Variants in NOS1 observed in about 807,000 individuals in gnomAD.
NOS1 encodes the protein nitric oxide synthase 1, also known as NOS type I.
A neutral mutation model predicts 164.5 loss-of-function variants in NOS1; 51 were observed. The observed-to-expected ratio is 0.31, with a 90% CI of 0.25 to 0.39. NOS1 has a LOEUF of 0.39. Among genes scored for constraint, NOS1 ranks in the 10% least tolerant of loss-of-function variants. The pLI is 1.00. For synonymous variants in NOS1, 719 were observed against 745.8 expected (o/e 0.96, Z 0.59); for missense variants, 1,362 against 1,885.6 (o/e 0.72, Z 5.14).
At chr12:117,229,489 C>G (rs1868998329) in intron 22 of NOS1, among the ~76,000 whole-genome samples, 1 of 150,942 alleles carries the variant, frequency 6.6e-6, no homozygotes, top group Non-Finnish European at 1.5e-5. Flanking sequence ...AAAATCCTTT[C>G]TCATTTAATC....
At chr12:117,311,690 G>C in intron 2 of NOS1, 98 bp from the exon 3 acceptor site, 2 of 1,331,888 alleles carry the variant, frequency 1.5e-6, no homozygotes, top group South Asian at 1.7e-5. Context: ...AACCTCAGTA[G>C]CTCACTCACA....
At chr12:117,323,217 C>T (rs1875074820) in intron 2 of NOS1, among the ~76,000 whole-genome samples, 1 of 152,200 alleles carries the variant, frequency 6.6e-6, no homozygotes, top group Non-Finnish European at 1.5e-5. Context: ...GGGAGTCCCT[C>T]CTGTTGCTTG....
chr12:117,268,478 C>A (rs1872579237), intron 10 of NOS1, among the ~76,000 whole-genome samples: 1 of 152,270 alleles, frequency 6.6e-6, no homozygotes, highest in East Asian at 1.9e-4. Context: ...GTGATCCACC[C>A]ACCTTGGCCT....
intron 3 of NOS1, among the ~76,000 whole-genome samples, chr12:117,296,326 T>G (rs966325119): frequency 6.6e-6 from 1 of 152,172 alleles, no homozygotes; most frequent in Non-Finnish European, 1.5e-5. Context: ...TGTCCCTGAG[T>G]GTGTCCGTGA....
At position 117,212,172 on chromosome 12, in the gene NOS1, G is replaced by A. The variant is rs1188094931; in HGVS notation, c.*3137C>T. The A allele has an allele frequency of 1.8e-5, 18 of 985,244 alleles. No individual in the cohort carries two copies. Among genetic ancestry groups the A allele is most frequent in the African/African-American group, 3.5e-5 (2 of 57,222 alleles). The allele number at this position is 985,244 out of a possible 1,614,324, so 61.0% of individuals were successfully genotyped here. Reference sequence around the variant, plus strand: ...ACTGGAGAAGCAAGACATGTTATAAGTTAAGTGAAAAATTAAAATGCAGTA... The same window carrying A: ...ACTGGAGAAGCAAGACATGTTATAAATTAAGTGAAAAATTAAAATGCAGTA... On this transcript the variant is annotated 3_prime_UTR_variant, in exon 29 of 29. Transcript: ENST00000317775.
At chr12:117,350,308 C>A (rs1036555300) in intron 1 of NOS1, among the ~76,000 whole-genome samples, 1 of 152,168 alleles carries the variant, frequency 6.6e-6, no homozygotes. Context: ...TGCTCACGGA[C>A]AATGCAGAGT....
chr12:117,286,706 C>T lies in NOS1; in HGVS notation c.1128-440G>A, dbSNP rs182354654. On this transcript the variant is annotated intron_variant, in intron 5 of 28. Transcript: ENST00000317775. ...AATTTTTGGTTTACAAAATGGTATA[C>T]AGGATAATATAATAAACTCCCATGT... Among the ~76,000 whole-genome samples, 19 of 152,228 alleles carry T rather than the reference C, an allele frequency of 1.2e-4. No homozygotes were observed. The East Asian group carries it at 3.5e-3, about 28-fold the overall frequency.
intron 1 of NOS1, 135 bp downstream of exon 1, chr12:117,361,377 T>G: frequency 3.5e-5 from 1 of 28,362 alleles, no homozygotes; most frequent in Non-Finnish European, 7.3e-5. Flanking sequence ...CCCTCTCCCC[T>G]AGCCCCCACT....
At chr12:117,220,019 G>A (rs975722077) in intron 27 of NOS1, 56 bp downstream of exon 27, 29 of 1,506,314 alleles carry the variant, frequency 1.9e-5, no homozygotes, top group Non-Finnish European at 2.6e-5. Flanking sequence ...ATGAAAAAGG[G>A]GGGATAGGAG....
At position 117,253,720 on chromosome 12, in the gene NOS1, A is replaced by G. The variant is rs753392044; in HGVS notation, c.2566T>C (p.Tyr856His). The G allele has an allele frequency of 3.1e-6, 5 of 1,613,974 alleles. No homozygotes were observed. The highest frequency in any genetic ancestry group is 4.2e-6 in the Non-Finnish European group (5 of 1,180,000). ...CCTGATGATTTTTGGGAGTCAGAGTAGGAGGAGACGCTGTTGAATCGGACC... is the reference window on the plus strand; with the variant it reads ...CCTGATGATTTTTGGGAGTCAGAGTGGGAGGAGACGCTGTTGAATCGGACC... ...YKVRFNSVSS[Y>H]SDSQKSSGDG... is the part of the protein sequence containing the mutation. Residue 856 changes from tyrosine (Y) to histidine (H), a missense_variant, in exon 17 of 29, where the codon TAC (tyrosine) becomes CAC (histidine). By Grantham distance (83) the Tyr-to-His change is moderately conservative (BLOSUM62 2). This residue lies in a region of NOS1 where 737 missense variants were observed against 1,030.3 expected (regional missense o/e 0.72). Coordinates refer to ENST00000317775, the MANE Select transcript of NOS1 (RefSeq NM_000620.5).
chr12:117,232,227 G>T, intron 21 of NOS1, 96 bp from the exon 22 acceptor site: 1 of 1,164,202 alleles, frequency 8.6e-7, no homozygotes. Context: ...ATGGGGCCAG[G>T]AGAGGAGGGT....
At chr12:117,284,437 G>A (rs1466535587) in intron 7 of NOS1, among the ~76,000 whole-genome samples, 1 of 152,214 alleles carries the variant, frequency 6.6e-6, no homozygotes, top group African/African-American at 2.4e-5. Context: ...TTGTATTGGT[G>A]AAGACGAGTC....
chr12:117,317,776 C>T (rs980949869), intron 2 of NOS1, among the ~76,000 whole-genome samples: 2 of 152,126 alleles, frequency 1.3e-5, no homozygotes, highest in African/African-American at 4.8e-5. Context: ...CCCCAATGAG[C>T]TTGGCATTGT....
Position 117,234,570 on chromosome 12 carries a change from G to A in NOS1, c.3230C>T (p.Ala1077Val). The A allele has an allele frequency of 1.2e-6, 2 of 1,613,378 alleles. No individual in the cohort carries two copies. The highest frequency in any genetic ancestry group is 2.7e-5 in the African/African-American group (2 of 75,044). The change falls in exon 21 of 29, where the codon GCT (alanine) becomes GTT (valine). Residue 1077 changes from alanine (A) to valine (V), a missense_variant. Coordinates refer to ENST00000317775, the MANE Select transcript of NOS1 (RefSeq NM_000620.5). The surrounding 1 kb of genome is among the most constrained non-coding windows in gnomAD (Gnocchi z 4.3). ...AGGGTCCCCGGGAATGTTACCTAAA[G>A]CCGTGTTCCGCTCCTCCAGCAGTTC... ...KVELLEERNT[A>V]LGVISNWTDE...
chr12:117,353,470 T>G (rs1388815388), intron 1 of NOS1, among the ~76,000 whole-genome samples: 1 of 152,210 alleles, frequency 6.6e-6, no homozygotes, highest in Non-Finnish European at 1.5e-5. Flanking sequence ...AAACCCACAG[T>G]ACCATTATTA....
chr12:117,227,417 G>A lies in NOS1; in HGVS notation c.3616+14C>T. 6.2e-7 allele frequency: 1 copy of A among 1,613,252 alleles called. No individual in the cohort carries two copies. Among genetic ancestry groups the A allele is most frequent in the South Asian group, 1.1e-5 (1 of 90,976 alleles). On this transcript the variant is annotated intron_variant, in intron 23 of 28. Coordinates refer to ENST00000317775, the MANE Select transcript of NOS1 (RefSeq NM_000620.5). ...AAATGCAGCTGAGGAGGCTCTCCCA[G>A]TGCCTCCGCCCACCTCGAGTGCGGT...
Position 117,218,029 on chromosome 12 carries a change from G to A in NOS1, c.4289+17C>T. The A allele has an allele frequency of 6.4e-7, 1 of 1,566,468 alleles. No individual in the cohort carries two copies. The highest frequency in any genetic ancestry group is 8.8e-7 in the Non-Finnish European group (1 of 1,136,732). ...AGGGCTCTTCCTGCCCCTCACCCAG[G>A]GATGGAGCCAGCTTACTCATCGGTG... On this transcript the variant is annotated intron_variant, in intron 28 of 28. Coordinates refer to ENST00000317775, the MANE Select transcript of NOS1 (RefSeq NM_000620.5).
At chr12:117,295,616 T>TA (rs1873359129) in intron 3 of NOS1, among the ~76,000 whole-genome samples, 2 of 7,292 alleles carry the variant, frequency 2.7e-4, no homozygotes, top group Non-Finnish European at 6.8e-4. Flanking sequence ...CTGATCATTC[T>TA]TTTTTTTTTT....
chr12:117,343,783 G>T (rs1378513470), intron 1 of NOS1, among the ~76,000 whole-genome samples: 3 of 152,158 alleles, frequency 2.0e-5, no homozygotes, highest in Admixed American at 6.5e-5. Flanking sequence ...TGGTGTAGGG[G>T]AGCTGAGTCA....
Sources: gnomAD v4.1 joint callset for allele counts (sites outside exome capture counted in the v4.1 genomes callset) on GRCh38, gnomAD v4.1.1 for gene constraint, gnomAD v4.1.1 regional missense constraint, Gnocchi (gnomAD v3.1) non-coding constraint, MANE v1.5 for transcripts, NCBI Gene and HGNC (gene_info 2026-07-23, HGNC 2026-07-21) for gene names.